Variants in TFB2M observed in about 807,000 individuals in gnomAD.
TFB2M encodes transcription factor B2, mitochondrial.
In TFB2M, 44 loss-of-function variants were observed where a neutral mutation model predicts 41.3. That is an observed-to-expected ratio of 1.07 (90% confidence interval 0.84 to 1.37). The LOEUF (loss-of-function observed/expected upper bound fraction) is 1.37, where lower values mean the gene tolerates loss of function less well. Among genes scored for constraint, TFB2M ranks in the 40% most tolerant of loss-of-function variants. The pLI, the probability that TFB2M is intolerant of heterozygous loss-of-function variation, is 0.00. For synonymous variants in TFB2M, 188 were observed against 176.8 expected, an observed-to-expected ratio of 1.06 and a Z score of -0.50; for missense variants, 496 against 490.2, an observed-to-expected ratio of 1.01 and a Z score of -0.11.
At chr1:246,546,384 T>C (rs1659019956) in intron 6 of TFB2M, among the ~76,000 whole-genome samples, 1 of 151,188 alleles carries the variant, frequency 6.6e-6, no homozygotes, top group Middle Eastern at 3.2e-3. Flanking sequence ...GAAGCCAAGG[T>C]AGGCGGATCA....
At chr1:246,557,313 A>C (rs1278057084) in intron 3 of TFB2M, 68 bp downstream of exon 3, 1 of 1,485,792 alleles carries the variant, frequency 6.7e-7, no homozygotes, top group Non-Finnish European at 9.1e-7. Flanking sequence ...TTCATCAACA[A>C]ATCAGTTATA....
chr1:246,544,981 AT>A (rs756323119), intron 6 of TFB2M, among the ~76,000 whole-genome samples: 1 of 151,770 alleles, frequency 6.6e-6, no homozygotes, highest in Non-Finnish European at 1.5e-5. Flanking sequence ...AATTTTTTGT[AT>A]TTTTAGTAGA....
At chr1:246,564,540 C>A in intron 1 of TFB2M, 106 bp from the exon 2 acceptor site, 1 of 973,424 alleles carries the variant, frequency 1.0e-6, no homozygotes, top group Non-Finnish European at 1.6e-6. Context: ...GTTTTTAAAT[C>A]TGACAGCATC....
In TFB2M at chr1:246,554,845, A is replaced by G. The variant is rs78833397; in HGVS notation, c.705+1728T>C. 1.7e-3 allele frequency among the ~76,000 whole-genome samples: 264 copies of G among 152,310 alleles called. 1 individual carries two copies. Among genetic ancestry groups the G allele is most frequent in the African/African-American group, 6.0e-3 (251 of 41,564 alleles). On this transcript the variant is annotated intron_variant, in intron 4 of 7. Coordinates refer to ENST00000366514, the MANE Select transcript of TFB2M (RefSeq NM_022366.3). ...AGGCACAGGCAACAAAAGAGAAAAAAAGACAAAGTTGACTTCATCAAAATG... is the reference window on the plus strand; with the variant it reads ...AGGCACAGGCAACAAAAGAGAAAAAGAGACAAAGTTGACTTCATCAAAATG...
intron 4 of TFB2M, 96 bp from the exon 5 acceptor site, chr1:246,551,398 G>C (rs1374701930): frequency 3.6e-6 from 3 of 840,496 alleles, no homozygotes; most frequent in Non-Finnish European, 5.7e-6. Flanking sequence ...ATGGCATCTA[G>C]ACATTTAAGA....
intron 4 of TFB2M, among the ~76,000 whole-genome samples, chr1:246,551,894 C>T (rs10802426): frequency 0.18 from 28,012 of 152,100 alleles, 2,783 homozygotes; most frequent in Middle Eastern, 0.27. Context: ...TGTTGAATAG[C>T]GTATGCACAG....
Position 246,566,053 on chromosome 1 carries a change from T to G in TFB2M, c.86A>C (p.Glu29Ala). The G allele has an allele frequency of 6.2e-7, 1 of 1,613,472 alleles. No homozygotes were observed. Among genetic ancestry groups the G allele is most frequent in the Non-Finnish European group, 8.5e-7 (1 of 1,179,792 alleles). ...GAGRFCILGS[E>A]AATRKHLPAR... ...CGGCAAATGCTTTCGCGTCGCCGCTTCAGACCCTAAAATGCAAAAGCGACC... is the reference window on the plus strand; with the variant it reads ...CGGCAAATGCTTTCGCGTCGCCGCTGCAGACCCTAAAATGCAAAAGCGACC... Residue 29 changes from glutamate (E) to alanine (A), a missense_variant, in exon 1 of 8, where the codon GAA becomes GCA. Transcript: ENST00000366514.
rs566412166 is a variant in TFB2M, at chr1:246,563,016, G to A, written c.402+1330C>T. On this transcript the variant is annotated intron_variant, in intron 2 of 7. Transcript: ENST00000366514. The stretch of plus-strand genomic sequence containing the variant: ...ATGTCTCCTTAGCCTTGACGGACCC[G>A]CTTCCTGGTCCCTCAGCTGCTTCTG... 6.6e-5 allele frequency among the ~76,000 whole-genome samples: 10 copies of A among 152,152 alleles called. No individual in the cohort carries two copies. In the South Asian group the frequency reaches 1.9e-3, roughly 28 times the overall value.
chr1:246,559,127 T>A (rs1659393309), intron 2 of TFB2M, among the ~76,000 whole-genome samples: 1 of 152,196 alleles, frequency 6.6e-6, no homozygotes. Context: ...TTCTTCTTAT[T>A]TTTTATTGAG....
chr1:246,551,256 C>T lies in TFB2M; in HGVS notation c.752G>A (p.Ser251Asn). The change falls in exon 5 of 8, where the codon AGT becomes AAT. Residue 251 changes from serine to asparagine, a missense_variant. Coordinates refer to ENST00000366514, the MANE Select transcript of TFB2M (RefSeq NM_022366.3). ...PGNPDLYHVL[S>N]VIWQLACEIK... ...CTCACAAGCTAATTGCCAGATAACACTTAATACATGATACAAGTCTGGATT... is the reference window on the plus strand; with the variant it reads ...CTCACAAGCTAATTGCCAGATAACATTTAATACATGATACAAGTCTGGATT... 1 of 1,613,974 alleles carries T rather than the reference C, an allele frequency of 6.2e-7. No individual in the cohort carries two copies.
intron 2 of TFB2M, among the ~76,000 whole-genome samples, chr1:246,562,862 G>A (rs1248362766): frequency 1.3e-4 from 20 of 152,064 alleles, no homozygotes; most frequent in Non-Finnish European, 2.6e-4. Context: ...GTTTCACCAT[G>A]TTGGTCAGGA....
intron 6 of TFB2M, among the ~76,000 whole-genome samples, chr1:246,547,493 A>T (rs1185486726): frequency 6.6e-6 from 1 of 152,210 alleles, no homozygotes; most frequent in Non-Finnish European, 1.5e-5. Flanking sequence ...GTCAAACAGA[A>T]CTAAAAGCAC....
At chr1:246,563,740 AAAT>A (rs1433574318) in intron 2 of TFB2M, among the ~76,000 whole-genome samples, 2 of 152,256 alleles carry the variant, frequency 1.3e-5, no homozygotes, top group Non-Finnish European at 2.9e-5. Flanking sequence ...AAATTATTTA[AAAT>A]ATTATACAGA....
At chr1:246,548,492 TA>T (rs1434709761) in intron 6 of TFB2M, 52 bp downstream of exon 6, 2 of 1,489,274 alleles carry the variant, frequency 1.3e-6, no homozygotes, top group Non-Finnish European at 1.8e-6. Context: ...AAAAATAAAA[TA>T]AAAAATACGT....
intron 2 of TFB2M, 43 bp from the exon 3 acceptor site, chr1:246,557,577 A>G (rs770176331): frequency 6.7e-7 from 1 of 1,492,380 alleles, no homozygotes; most frequent in Non-Finnish European, 9.0e-7. Context: ...TTTCAGCATT[A>G]AGTATACTTT....
At chr1:246,545,736 T>C (rs1271375312) in intron 6 of TFB2M, among the ~76,000 whole-genome samples, 1 of 146,322 alleles carries the variant, frequency 6.8e-6, no homozygotes, top group African/African-American at 2.5e-5. Flanking sequence ...TGCTTGAGAC[T>C]GCTGCGTGGA....
At chr1:246,562,721 G>A (rs994800970) in intron 2 of TFB2M, among the ~76,000 whole-genome samples, 2 of 151,698 alleles carry the variant, frequency 1.3e-5, no homozygotes, top group African/African-American at 4.8e-5. Context: ...GTGCAGTGGT[G>A]TGATCTCAGC....
At chr1:246,546,151 C>A (rs1659014124) in intron 6 of TFB2M, among the ~76,000 whole-genome samples, 1 of 150,558 alleles carries the variant, frequency 6.6e-6, no homozygotes, top group African/African-American at 2.4e-5. Context: ...TCCTTCTTTA[C>A]AAACAAACAA....
At chr1:246,564,681 C>CTTTT (rs552531866) in intron 1 of TFB2M, among the ~76,000 whole-genome samples, 1 of 141,196 alleles carries the variant, frequency 7.1e-6, no homozygotes, top group African/African-American at 2.6e-5. Context: ...AACCTGCACT[C>CTTTT]TTTTTTTTTT....
Sources: allele counts gnomAD v4.1 joint callset (sites outside exome capture counted in the v4.1 genomes callset), GRCh38; gene constraint gnomAD v4.1.1; transcripts MANE v1.5; gene names NCBI Gene and HGNC (gene_info 2026-07-23, HGNC 2026-07-21).